CTNNA3: variants seen among roughly 807,000 people sequenced by gnomAD.
CTNNA3 encodes the protein catenin alpha-3.
CTNNA3 carries 76 observed loss-of-function variants against 95.7 expected under a neutral mutation model. The observed-to-expected ratio is 0.79, with a 90% confidence interval of 0.66 to 0.96. CTNNA3 has a LOEUF of 0.96. Among genes scored for constraint, CTNNA3 ranks in the 40% least tolerant of loss-of-function variants. The pLI is 0.00. For missense variants in CTNNA3, 1,191 were observed against 1,089.8 expected, an observed-to-expected ratio of 1.09 and a Z score of -1.31; for synonymous variants, 431 against 374.4, an observed-to-expected ratio of 1.15 and a Z score of -1.74.
chr10:66,454,767 A>G (rs1017103347), intron 11 of CTNNA3, among the ~76,000 whole-genome samples: 2 of 149,752 alleles, frequency 1.3e-5, no homozygotes, highest in Non-Finnish European at 3.0e-5. Flanking sequence ...AGATAGTATA[A>G]AAATGAAGAT....
At chr10:67,759,403 T>A (rs957184141) in intron 1 of CTNNA3, among the ~76,000 whole-genome samples, 2 of 152,234 alleles carry the variant, frequency 1.3e-5, no homozygotes, top group Admixed American at 1.3e-4. Flanking sequence ...TTGAGTGAAG[T>A]GCAAAAGCAC....
intron 1 of CTNNA3, among the ~76,000 whole-genome samples, chr10:67,726,518 A>C (rs1224828191): frequency 6.0e-5 from 4 of 66,978 alleles, no homozygotes; most frequent in Non-Finnish European, 9.8e-5. Context: ...TATATATTAT[A>C]TTATATTATA....
At chr10:67,435,648 C>T (rs1846276321) in intron 5 of CTNNA3, among the ~76,000 whole-genome samples, 1 of 152,052 alleles carries the variant, frequency 6.6e-6, no homozygotes, top group Admixed American at 6.6e-5. Flanking sequence ...GATTAATGTA[C>T]ACCAATCAGT....
chr10:66,903,001 G>T (rs550825483), intron 7 of CTNNA3, among the ~76,000 whole-genome samples: 1 of 152,272 alleles, frequency 6.6e-6, no homozygotes, highest in African/African-American at 2.4e-5. Flanking sequence ...AATAGAAAAA[G>T]AGGGAATCCT....
intron 11 of CTNNA3, among the ~76,000 whole-genome samples, chr10:66,510,559 G>GGTAT (rs59267608): frequency 0.34 from 52,009 of 151,142 alleles, 10,185 homozygotes; most frequent in Non-Finnish European, 0.43. Context: ...ATTGTGTTGA[G>GGTAT]GTATATTCCC....
At chr10:66,519,566 T>C (rs959638200) in intron 11 of CTNNA3, among the ~76,000 whole-genome samples, 13 of 152,164 alleles carry the variant, frequency 8.5e-5, no homozygotes, top group Admixed American at 2.0e-4. Context: ...CATATCTGAT[T>C]GCCTCCTTTG....
At position 66,027,344 on chromosome 10, in the gene CTNNA3, T is replaced by C. The variant is rs140785280; in HGVS notation, c.2160-38547A>G. ...TATATTAATAATTGTGTTTTATGCA[T>C]ATTTAACAATTAGTCTTATTGTTGT... On this transcript the variant is annotated intron_variant, in intron 15 of 17. Transcript: ENST00000433211. Among the ~76,000 whole-genome samples the C allele has an allele frequency of 3.2e-3, 493 of 152,302 alleles. 2 individuals carry two copies. The highest frequency in any genetic ancestry group is 0.01 in the African/African-American group (426 of 41,584).
intron 7 of CTNNA3, among the ~76,000 whole-genome samples, chr10:66,840,372 TCA>T (rs138947952): frequency 0.014 from 1,002 of 71,170 alleles, 36 homozygotes; most frequent in East Asian, 0.047. Flanking sequence ...TCTCTCTCTC[TCA>T]CACACACACA....
At chr10:66,896,903 C>T (rs1313965737) in intron 7 of CTNNA3, among the ~76,000 whole-genome samples, 2 of 152,172 alleles carry the variant, frequency 1.3e-5, no homozygotes, top group Admixed American at 6.5e-5. Context: ...GCAGTAGCAC[C>T]CCATGCTCAC....
chr10:67,187,548 CTCTT>C (rs775820445), intron 6 of CTNNA3, among the ~76,000 whole-genome samples: 6 of 151,912 alleles, frequency 3.9e-5, no homozygotes, highest in Non-Finnish European at 7.4e-5. Flanking sequence ...TTATCTCTCT[CTCTT>C]TCTTTCTCTC....
At chr10:67,703,878 C>T (rs994186953) in intron 1 of CTNNA3, among the ~76,000 whole-genome samples, 2 of 152,292 alleles carry the variant, frequency 1.3e-5, no homozygotes, top group Admixed American at 1.3e-4. Flanking sequence ...TAGAAAACCC[C>T]ACTGTCTCAG....
At chr10:66,558,512 T>G (rs974325928) in intron 10 of CTNNA3, among the ~76,000 whole-genome samples, 3 of 152,124 alleles carry the variant, frequency 2.0e-5, no homozygotes, top group African/African-American at 7.2e-5. Context: ...AAGTAGTACT[T>G]TTGTCTTATA....
intron 5 of CTNNA3, among the ~76,000 whole-genome samples, chr10:67,254,833 G>A (rs145680986): frequency 6.6e-6 from 1 of 152,070 alleles, no homozygotes; most frequent in African/African-American, 2.4e-5. Flanking sequence ...ATACCTTCTA[G>A]GTTTGTATAA....
chr10:67,689,651 G>A (rs951025255), intron 1 of CTNNA3, among the ~76,000 whole-genome samples: 1 of 152,046 alleles, frequency 6.6e-6, no homozygotes, highest in African/African-American at 2.4e-5. Context: ...ACTTGTTGTT[G>A]GGACCCCGGA....
At chr10:66,111,601 A>C (rs2082122148) in intron 13 of CTNNA3, among the ~76,000 whole-genome samples, 1 of 152,332 alleles carries the variant, frequency 6.6e-6, no homozygotes, top group East Asian at 1.9e-4. Flanking sequence ...CCTTGCCCTC[A>C]AGAGAGATAA....
intron 5 of CTNNA3, among the ~76,000 whole-genome samples, chr10:67,239,712 G>A (rs1004599922): frequency 1.3e-5 from 2 of 152,116 alleles, no homozygotes; most frequent in African/African-American, 4.8e-5. Flanking sequence ...TATCTACAGT[G>A]TGAGCCTTCT....
intron 15 of CTNNA3, 89 bp downstream of exon 15, chr10:66,069,214 TGGCAC>T: frequency 8.2e-7 from 1 of 1,226,868 alleles, no homozygotes; most frequent in Non-Finnish European, 1.2e-6. Context: ...ACCTGATTTT[TGGCAC>T]TTGACACTCA....
At chr10:66,797,064 A>G (rs1264708051) in intron 7 of CTNNA3, among the ~76,000 whole-genome samples, 1 of 150,628 alleles carries the variant, frequency 6.6e-6, no homozygotes, top group Non-Finnish European at 1.5e-5. Flanking sequence ...TACAATAAGC[A>G]GGGCTTGTAA....
intron 7 of CTNNA3, among the ~76,000 whole-genome samples, chr10:66,787,453 A>T (rs1840793494): frequency 6.6e-6 from 1 of 152,122 alleles, no homozygotes; most frequent in African/African-American, 2.4e-5. Flanking sequence ...GAGACGACTT[A>T]TTCACAGCTT....
Sources: allele counts gnomAD v4.1 joint callset (sites outside exome capture counted in the v4.1 genomes callset), GRCh38; gene constraint gnomAD v4.1.1; transcripts MANE v1.5; gene names NCBI Gene and HGNC (gene_info 2026-07-23, HGNC 2026-07-21).